The following EEPD1 variants were observed in gnomAD, a reference collection of about 807,000 sequenced individuals.
The protein encoded by EEPD1 is endonuclease/exonuclease/phosphatase family domain containing 1.
Under a neutral mutation model 46.3 loss-of-function variants are expected in EEPD1, and 17 were observed. The observed-to-expected ratio is 0.37, with a 90% confidence interval of 0.25 to 0.55. The LOEUF is 0.55. Ranked by LOEUF, EEPD1 falls within the 20% of genes least tolerant of loss-of-function variation. The probability of loss-of-function intolerance (pLI) is 0.83; values close to 1 mark genes in which losing one functional copy is unlikely to be tolerated. For missense variants in EEPD1, 673 were observed against 745.6 expected (o/e 0.90, Z 1.13); for synonymous variants, 313 against 315.6 (o/e 0.99, Z 0.09).
chr7:36,154,915 T>C lies in EEPD1; in HGVS notation c.591T>C (p.Ala197=), dbSNP rs371689321. The change falls in exon 2 of 8, where the codon GCT becomes GCC. Residue 197 remains alanine (A), a synonymous_variant. Coordinates refer to ENST00000242108, the MANE Select transcript of EEPD1 (RefSeq NM_030636.3). The surrounding 1 kb of genome is among the most constrained non-coding windows in gnomAD (Gnocchi z 4.2). ...ACAGGATCCGGCACCAGGTGTTTGC[T>C]GAGAGGTCCAGGCCCCCATCCACCC... ...FLDRIRHQVF[A]ERSRPPSTHT... is the part of the protein sequence containing the mutation. The C allele has an allele frequency of 2.4e-5, 39 of 1,613,990 alleles. No individual in the cohort carries two copies. The highest frequency in any genetic ancestry group is 3.1e-5 in the Non-Finnish European group (36 of 1,180,034).
rs1017003495 is a variant in EEPD1 at position 36,249,614 on chromosome 7, G to A, written c.930+10578G>A. On this transcript the variant is annotated intron_variant, in intron 3 of 7. Coordinates refer to ENST00000242108, the MANE Select transcript of EEPD1 (RefSeq NM_030636.3). ...GATCTTTTAGCCTCATAGAATTGTG[G>A]TATAATATTTGCTATGAGGGAGAAT... 4.6e-5 allele frequency among the ~76,000 whole-genome samples: 7 copies of A among 152,272 alleles called. No individual in the cohort carries two copies. In the South Asian group the frequency reaches 1.0e-3, roughly 23 times the overall value.
At chr7:36,297,386 CT>C (rs1329790623) in intron 7 of EEPD1, among the ~76,000 whole-genome samples, 199 bp downstream of exon 7, 1 of 152,200 alleles carries the variant, frequency 6.6e-6, no homozygotes, top group East Asian at 1.9e-4. Flanking sequence ...CCACACAGTG[CT>C]TTCCAGCCAT....
intron 3 of EEPD1, among the ~76,000 whole-genome samples, chr7:36,261,520 T>C (rs1275211467): frequency 1.3e-5 from 2 of 152,240 alleles, no homozygotes; most frequent in Non-Finnish European, 2.9e-5. Flanking sequence ...CAATTTCCTG[T>C]CTTTTTCAGT....
intron 2 of EEPD1, among the ~76,000 whole-genome samples, chr7:36,206,286 A>C (rs1460254607): frequency 6.6e-6 from 1 of 152,314 alleles, no homozygotes; most frequent in Middle Eastern, 3.4e-3. Context: ...TGAGCCACAT[A>C]TGCAATTTTA....
In EEPD1 at chr7:36,301,277, T is replaced by C. The variant is rs1215773201; in HGVS notation, c.*2071T>C. The C allele has an allele frequency of 6.6e-6, 1 of 152,124 alleles. No homozygotes were observed. Among genetic ancestry groups the C allele is most frequent in the Admixed American group, 6.5e-5 (1 of 15,274 alleles). The allele number at this position is 152,124 out of a possible 1,614,324, so 9.4% of individuals were successfully genotyped here. A position where few individuals can be genotyped will look rare whatever the true frequency, so the allele number is the denominator to read the frequency against. On this transcript the variant is annotated 3_prime_UTR_variant, in exon 8 of 8. Coordinates refer to ENST00000242108, the MANE Select transcript of EEPD1 (RefSeq NM_030636.3). ...CCTGTTCTTACTCCAGCTCAACCCA[T>C]TGGGTGTTGGCTGTTTTTGGTTTTA...
chr7:36,270,229 A>T (rs1157983105), intron 3 of EEPD1, among the ~76,000 whole-genome samples: 1 of 152,200 alleles, frequency 6.6e-6, no homozygotes, highest in Admixed American at 6.5e-5. Flanking sequence ...CAGTGGTATT[A>T]TACTTAATTT....
intron 2 of EEPD1, among the ~76,000 whole-genome samples, chr7:36,183,875 G>GTTTTTTT (rs35033256): frequency 1.3e-4 from 7 of 51,892 alleles, no homozygotes; most frequent in Non-Finnish European, 2.6e-4. Context: ...CCTAGCCCTC[G>GTTTTTTT]TTTTTTTTTT....
intron 5 of EEPD1, 117 bp from the exon 6 acceptor site, chr7:36,287,522 T>G: frequency 1.4e-6 from 2 of 1,448,588 alleles, no homozygotes; most frequent in East Asian, 2.4e-5. Context: ...GAGCCAGCCT[T>G]GTTCTTGTTT....
chr7:36,263,778 C>T (rs372497438), intron 3 of EEPD1, among the ~76,000 whole-genome samples: 94 of 152,340 alleles, frequency 6.2e-4, no homozygotes, highest in Middle Eastern at 6.8e-3. Flanking sequence ...GTTCTGTCTT[C>T]CTTCCCTCCA....
intron 3 of EEPD1, among the ~76,000 whole-genome samples, chr7:36,276,163 G>A (rs1183106222): frequency 6.6e-6 from 1 of 152,162 alleles, no homozygotes; most frequent in Non-Finnish European, 1.5e-5. Flanking sequence ...TAAGTCACAG[G>A]ATGAGGTAGG....
intron 2 of EEPD1, among the ~76,000 whole-genome samples, chr7:36,171,034 G>A (rs1346910272): frequency 6.6e-6 from 1 of 152,128 alleles, no homozygotes; most frequent in Non-Finnish European, 1.5e-5. Context: ...CAATCCTCCT[G>A]CCTCAGCCTC....
Position 36,154,979 on chromosome 7 carries a change from C to T in EEPD1, c.655C>T (p.Pro219Ser). Residue 219 changes from proline (P) to serine (S), a missense_variant, in exon 2 of 8, where the codon CCG becomes TCG. By Grantham distance (74) the Pro-to-Ser change is moderately conservative. Coordinates refer to ENST00000242108, the MANE Select transcript of EEPD1 (RefSeq NM_030636.3). This position sits in a 1 kb window ranked among gnomAD's most constrained non-coding sequence, Gnocchi z 4.2. ...ACTGACCTTCACCGCCAAGCCTCACCCGAGCCCCACTTCCCTGAGCCTGCA... is the reference window on the plus strand; with the variant it reads ...ACTGACCTTCACCGCCAAGCCTCACTCGAGCCCCACTTCCCTGAGCCTGCA... ...GGLTFTAKPH[P>S]SPTSLSLQSE... 1.2e-6 allele frequency: 2 copies of T among 1,613,624 alleles called. No homozygotes were observed. The highest frequency in any genetic ancestry group is 1.7e-6 in the Non-Finnish European group (2 of 1,179,798).
intron 2 of EEPD1, among the ~76,000 whole-genome samples, chr7:36,213,795 G>T (rs1785978715): frequency 6.6e-6 from 1 of 152,122 alleles, no homozygotes; most frequent in Non-Finnish European, 1.5e-5. Context: ...GAAATTGATT[G>T]GTGGGCGTGT....
intron 2 of EEPD1, among the ~76,000 whole-genome samples, chr7:36,186,101 C>T (rs1441880279): frequency 6.6e-6 from 1 of 152,168 alleles, no homozygotes; most frequent in Non-Finnish European, 1.5e-5. Context: ...TTGTAGAAAA[C>T]TAGCAAAATA....
Position 36,201,477 on chromosome 7 carries a change from T to C in EEPD1, c.879-37508T>C, listed in dbSNP as rs141011938. On this transcript the variant is annotated intron_variant, in intron 2 of 7. Transcript: ENST00000242108. ...GAAAGGTCTGGACTAGGTTCGAAAC[T>C]TGTTTCTGATGACTATCAGCTGAGT... is the stretch of plus-strand genomic sequence containing the variant. 1.7e-3 allele frequency among the ~76,000 whole-genome samples: 264 copies of C among 152,280 alleles called. 3 individuals are homozygous for C. The highest frequency in any genetic ancestry group is 2.7e-3 in the Non-Finnish European group (182 of 68,032).
At chr7:36,280,943 A>C (rs563197116) in intron 3 of EEPD1, 172 bp from the exon 4 acceptor site, 1 of 537,778 alleles carries the variant, frequency 1.9e-6, no homozygotes, top group East Asian at 2.8e-5. Context: ...GTGCTTGTTT[A>C]GTCATCTGGC....
chr7:36,160,159 T>C (rs947076866), intron 2 of EEPD1, among the ~76,000 whole-genome samples: 7 of 152,202 alleles, frequency 4.6e-5, no homozygotes, highest in East Asian at 3.8e-4. Flanking sequence ...ATCCATCCAT[T>C]CATTCATTCA....
At chr7:36,269,191 C>T (rs991201127) in intron 3 of EEPD1, among the ~76,000 whole-genome samples, 2 of 152,166 alleles carry the variant, frequency 1.3e-5, no homozygotes, top group Non-Finnish European at 2.9e-5. Flanking sequence ...TTCACGCGCT[C>T]CTCAAGGTCC....
At position 36,281,065 on chromosome 7, in the gene EEPD1, AC is replaced by A. The variant is rs759721736; in HGVS notation, c.931-49del. On this transcript the variant is annotated intron_variant, in intron 3 of 7. Transcript: ENST00000242108. ...GCTTCTCAGGCCGCCGCCAGCCGGG[AC>A]TGCTTTAGGCGCGAACCCACGCTTC... 7 of 1,548,936 alleles carry A rather than the reference AC, an allele frequency of 4.5e-6. No individual in the cohort carries two copies. In the East Asian group the frequency reaches 1.6e-4, roughly 35 times the overall value.
Sources: gnomAD v4.1 joint callset for allele counts (sites outside exome capture counted in the v4.1 genomes callset) on GRCh38, gnomAD v4.1.1 for gene constraint, Gnocchi (gnomAD v3.1) non-coding constraint, MANE v1.5 for transcripts, NCBI Gene and HGNC (gene_info 2026-07-23, HGNC 2026-07-21) for gene names.